The following COL4A6 variants were observed in gnomAD, a reference collection of about 807,000 sequenced individuals.
COL4A6 encodes the protein collagen alpha-6(IV) chain.
In COL4A6, 59 loss-of-function variants were observed where a neutral mutation model predicts 126.7. The observed-to-expected ratio is 0.47, with a 90% CI of 0.38 to 0.58. The LOEUF (loss-of-function observed/expected upper bound fraction) is 0.58, where lower values mean the gene tolerates loss of function less well. Among genes scored for constraint, COL4A6 ranks in the 20% least tolerant of loss-of-function variants. COL4A6 has a pLI of 0.00. For missense variants in COL4A6, 1,285 were observed against 1,337.3 expected (o/e 0.96, Z 0.61); for synonymous variants, 547 against 496.6 (o/e 1.10, Z -1.35).
At chrX:108,385,819 C>A (rs1431055847) in intron 2 of COL4A6, among the ~76,000 whole-genome samples, 1 of 110,729 alleles carries the variant, frequency 9.0e-6, no homozygotes, top group Non-Finnish European at 1.9e-5. Flanking sequence ...CTGCACCCAT[C>A]AACCCCTCAT....
chrX:108,241,435 C>T (rs2036568140), intron 3 of COL4A6, among the ~76,000 whole-genome samples: 1 of 108,116 alleles, frequency 9.2e-6, no homozygotes, highest in Non-Finnish European at 1.9e-5. Flanking sequence ...TACTTTTAAT[C>T]ACTATGCTGA....
chrX:108,328,715 T>C (rs1330199026), intron 2 of COL4A6, among the ~76,000 whole-genome samples: 1 of 112,150 alleles, frequency 8.9e-6, no homozygotes, highest in East Asian at 2.8e-4. Flanking sequence ...TCCAAAGGAA[T>C]ATGAAATATC....
At chrX:108,179,472 G>T in intron 25 of COL4A6, 34 bp from the exon 26 acceptor site, 1 of 1,103,856 alleles carries the variant, frequency 9.1e-7, no homozygotes, top group Non-Finnish European at 1.2e-6. Context: ...AAAGACCATG[G>T]CTGTTTAGAA....
Position 108,237,770 on chromosome X carries a change from AG to A in COL4A6, c.145-16397del, listed in dbSNP as rs780150205. ...CCCCATTCTCATTTCTATCCCTCTC[AG>A]GTATCTTCTTTAATATATTTGATAT... On this transcript the variant is annotated intron_variant, in intron 3 of 44. Transcript: ENST00000334504. Among the ~76,000 whole-genome samples, 164 of 110,931 alleles carry A rather than the reference AG, an allele frequency of 1.5e-3. 1 individual carries two copies. The highest frequency in any genetic ancestry group is 2.5e-3 in the Non-Finnish European group (132 of 52,915).
intron 2 of COL4A6, among the ~76,000 whole-genome samples, chrX:108,347,812 A>G (rs761055272): frequency 9.1e-6 from 1 of 110,069 alleles, no homozygotes; most frequent in Non-Finnish European, 1.9e-5. Context: ...TGAAGGATGG[A>G]TGGCCCCAGG....
At chrX:108,433,560 A>G (rs1200691307) in intron 2 of COL4A6, among the ~76,000 whole-genome samples, 1 of 101,429 alleles carries the variant, frequency 9.9e-6, no homozygotes, top group Non-Finnish European at 2.0e-5. Flanking sequence ...GTCTAGCTCT[A>G]TTGCTCAGGC....
chrX:108,162,742 T>C, intron 41 of COL4A6, 150 bp downstream of exon 41: 2 of 642,712 alleles, frequency 3.1e-6, no homozygotes, highest in Admixed American at 3.9e-5. Context: ...CTGGCCCTTC[T>C]TCTCCCCAAC....
At chrX:108,194,053 C>G (rs1322040079) in intron 16 of COL4A6, among the ~76,000 whole-genome samples, 1 of 112,567 alleles carries the variant, frequency 8.9e-6, no homozygotes, top group Non-Finnish European at 1.9e-5. Context: ...GCCTGGGCCT[C>G]TACTACCATC....
chrX:108,319,020 G>A (rs1381754184), intron 2 of COL4A6, among the ~76,000 whole-genome samples: 2 of 112,591 alleles, frequency 1.8e-5, no homozygotes, highest in Non-Finnish European at 3.8e-5. Context: ...TAACAACATG[G>A]AGAGTAGGAG....
chrX:108,375,256 C>A (rs1463703433), intron 2 of COL4A6, among the ~76,000 whole-genome samples: 1 of 111,543 alleles, frequency 9.0e-6, no homozygotes, highest in Non-Finnish European at 1.9e-5. Flanking sequence ...TTATTTTTTC[C>A]AAATGTAGTA....
intron 43 of COL4A6, 130 bp from the exon 44 acceptor site, chrX:108,159,878 T>C: frequency 2.9e-6 from 2 of 691,564 alleles, no homozygotes; most frequent in Non-Finnish European, 4.7e-6. Context: ...TCCTGTAACA[T>C]TGTACATGTG....
At chrX:108,192,043 C>G (rs1223822690) in intron 18 of COL4A6, among the ~76,000 whole-genome samples, 1 of 112,059 alleles carries the variant, frequency 8.9e-6, no homozygotes, top group East Asian at 2.8e-4. Flanking sequence ...GTGTTACCCA[C>G]AAGATCCTGG....
chrX:108,305,898 T>C (rs781159812), intron 3 of COL4A6, among the ~76,000 whole-genome samples: 1 of 111,930 alleles, frequency 8.9e-6, no homozygotes, highest in East Asian at 2.8e-4. Flanking sequence ...GCCAGTGAAA[T>C]CTAAGCAGAG....
intron 3 of COL4A6, among the ~76,000 whole-genome samples, chrX:108,241,215 C>T (rs2036563915): frequency 9.0e-6 from 1 of 110,744 alleles, no homozygotes; most frequent in South Asian, 3.8e-4. Context: ...ATAATACCTA[C>T]ACTTACTCTA....
intron 23 of COL4A6, among the ~76,000 whole-genome samples, chrX:108,185,587 T>C (rs1038017384): frequency 5.4e-5 from 6 of 111,773 alleles, no homozygotes; most frequent in Admixed American, 1.9e-4. Flanking sequence ...TCTTCTTTTA[T>C]TGTAATTCTT....
chrX:108,384,391 A>T (rs12689734), intron 2 of COL4A6, among the ~76,000 whole-genome samples: 8,290 of 112,373 alleles, frequency 0.074, 664 homozygotes, highest in African/African-American at 0.23. Flanking sequence ...AAGGCAATGA[A>T]TGTAGGCACA....
intron 2 of COL4A6, among the ~76,000 whole-genome samples, chrX:108,414,619 C>CAAAA (rs35601117): frequency 2.6e-5 from 2 of 77,423 alleles, no homozygotes; most frequent in African/African-American, 9.7e-5. Context: ...GCCTCTCTCT[C>CAAAA]AAAAAAAAAA....
intron 3 of COL4A6, among the ~76,000 whole-genome samples, chrX:108,249,838 G>T (rs2036808052): frequency 9.0e-6 from 1 of 111,721 alleles, no homozygotes; most frequent in Admixed American, 9.4e-5. Context: ...AGCGCTATCT[G>T]CCTTCCACAA....
chrX:108,159,804 G>A (rs759593163), intron 43 of COL4A6, 56 bp from the exon 44 acceptor site: 10 of 1,172,484 alleles, frequency 8.5e-6, no homozygotes, highest in African/African-American at 7.1e-5. Context: ...GGGCTTTGAC[G>A]AGATGGTGGT....
Sources: gnomAD v4.1 joint callset for allele counts (sites outside exome capture counted in the v4.1 genomes callset) on GRCh38, gnomAD v4.1.1 for gene constraint, MANE v1.5 for transcripts, NCBI Gene and HGNC (gene_info 2026-07-23, HGNC 2026-07-21) for gene names.